EPHA7: variants seen among roughly 807,000 people sequenced by gnomAD.
EPHA7 encodes EPH receptor A7, also known as ephrin type-A receptor 7.
In EPHA7, 25 loss-of-function variants were observed where a neutral mutation model predicts 112.6. That is an observed-to-expected ratio of 0.22 (90% CI 0.16 to 0.31). EPHA7 has a LOEUF of 0.31. Ranked by LOEUF, EPHA7 falls within the 10% of genes least tolerant of loss-of-function variation. The pLI is 1.00. For synonymous variants in EPHA7, 437 were observed against 406.5 expected (o/e 1.07, Z -0.90); for missense variants, 962 against 1,212.6 (o/e 0.79, Z 3.07).
chr6:93,403,756 G>A (rs996046987), intron 3 of EPHA7, among the ~76,000 whole-genome samples: 1 of 151,794 alleles, frequency 6.6e-6, no homozygotes, highest in East Asian at 1.9e-4. Context: ...TTCTACAACC[G>A]GGAGACCATA....
At chr6:93,377,042 T>TC (rs397701953) in intron 3 of EPHA7, among the ~76,000 whole-genome samples, 2 of 152,128 alleles carry the variant, frequency 1.3e-5, no homozygotes, top group East Asian at 3.9e-4. Context: ...TTACAAATTT[T>TC]CTTATCTATG....
chr6:93,284,205 G>A (rs574773934), intron 5 of EPHA7, among the ~76,000 whole-genome samples: 28 of 151,872 alleles, frequency 1.8e-4, no homozygotes, highest in African/African-American at 6.5e-4. Context: ...TTTTTTGACT[G>A]TATGTTTTCC....
intron 3 of EPHA7, among the ~76,000 whole-genome samples, chr6:93,383,142 C>A (rs1474199635): frequency 6.6e-6 from 1 of 152,030 alleles, no homozygotes; most frequent in Non-Finnish European, 1.5e-5. Flanking sequence ...ATAATTAACA[C>A]TTACCAAGCA....
intron 5 of EPHA7, among the ~76,000 whole-genome samples, chr6:93,337,562 AACTC>A (rs1774936526): frequency 6.6e-6 from 1 of 152,176 alleles, no homozygotes; most frequent in Non-Finnish European, 1.5e-5. Context: ...CTTTAAAAGA[AACTC>A]ACTCAGATTT....
chr6:93,408,300 G>C (rs552133040), intron 3 of EPHA7, among the ~76,000 whole-genome samples: 1 of 151,922 alleles, frequency 6.6e-6, no homozygotes, highest in Non-Finnish European at 1.5e-5. Flanking sequence ...AAAATTTTTT[G>C]TAACAGTTAC....
chr6:93,352,110 G>A (rs1202069639), intron 5 of EPHA7, among the ~76,000 whole-genome samples: 1 of 152,036 alleles, frequency 6.6e-6, no homozygotes, highest in Non-Finnish European at 1.5e-5. Context: ...TGTACAGCTA[G>A]TATGCAGAAA....
chr6:93,405,888 T>G (rs989872347), intron 3 of EPHA7, among the ~76,000 whole-genome samples: 1 of 145,638 alleles, frequency 6.9e-6, no homozygotes, highest in Non-Finnish European at 1.5e-5. Context: ...TCATTTGTTA[T>G]GAAAATTTCA....
chr6:93,297,838 C>T lies in EPHA7; in HGVS notation c.1325-25416G>A, dbSNP rs540135403. 3.3e-5 allele frequency among the ~76,000 whole-genome samples: 5 copies of T among 152,236 alleles called. No homozygotes were observed. In the East Asian group the frequency reaches 9.7e-4, roughly 29 times the overall value. Reference sequence around the variant, plus strand: ...ATTGCTTTTCAAGCCACTGAAGTTTCTACTTCAGCATATATCTCTCTCCAA... The same window carrying T: ...ATTGCTTTTCAAGCCACTGAAGTTTTTACTTCAGCATATATCTCTCTCCAA... On this transcript the variant is annotated intron_variant, in intron 5 of 16. Coordinates refer to ENST00000369303, the MANE Select transcript of EPHA7 (RefSeq NM_004440.4).
chr6:93,418,573 G>A, intron 1 of EPHA7, among the ~76,000 whole-genome samples: 1 of 152,204 alleles, frequency 6.6e-6, no homozygotes, highest in East Asian at 1.9e-4. Flanking sequence ...GGCCCGACGC[G>A]CAGCGCGCGC....
Position 93,254,747 on chromosome 6 carries a change from C to T in EPHA7, c.2432G>A (p.Arg811Gln), listed in dbSNP as rs147054938. 12 of 1,613,162 alleles carry T rather than the reference C, an allele frequency of 7.4e-6. No individual in the cohort carries two copies. The highest frequency in any genetic ancestry group is 3.3e-5 in the Admixed American group (2 of 59,960). Residue 811 changes from arginine (R) to glutamine (Q), a missense_variant, in exon 14 of 17, where the codon CGG (arginine) becomes CAG (glutamine). Coordinates refer to ENST00000369303, the MANE Select transcript of EPHA7 (RefSeq NM_004440.4). ...RWTAPEAIQYRKFTSASDVWS... is the reference protein window; with the variant it reads ...RWTAPEAIQYQKFTSASDVWS... ...TACATCACTGGCTGATGTGAATTTC[C>T]GGTACTGGATGGCTTCGGGTGCTGT...
At chr6:93,265,229 G>C (rs544253140) in intron 7 of EPHA7, among the ~76,000 whole-genome samples, 2 of 151,602 alleles carry the variant, frequency 1.3e-5, no homozygotes, top group South Asian at 4.2e-4. Flanking sequence ...TATAATTCAG[G>C]AAAAAGATGA....
At chr6:93,308,621 G>A (rs1420850657) in intron 5 of EPHA7, among the ~76,000 whole-genome samples, 7 of 152,176 alleles carry the variant, frequency 4.6e-5, no homozygotes, top group African/African-American at 1.4e-4. Context: ...GTTAAAAGAT[G>A]TTTGAATTAT....
chr6:93,252,281 A>G (rs1453871705), intron 14 of EPHA7, among the ~76,000 whole-genome samples: 3 of 152,000 alleles, frequency 2.0e-5, no homozygotes, highest in East Asian at 1.9e-4. Context: ...AATCTGAGGC[A>G]TTTAAAATTT....
chr6:93,411,395 T>A (rs1336399494), intron 2 of EPHA7, among the ~76,000 whole-genome samples: 1 of 152,176 alleles, frequency 6.6e-6, no homozygotes, highest in Non-Finnish European at 1.5e-5. Flanking sequence ...ATATTTCATT[T>A]TGTTTAATAT....
At chr6:93,417,242 G>GC (rs1364064034) in intron 1 of EPHA7, among the ~76,000 whole-genome samples, 3 of 152,098 alleles carry the variant, frequency 2.0e-5, no homozygotes, top group Non-Finnish European at 4.4e-5. Flanking sequence ...ACCCCCAAAT[G>GC]CCCCAGGAGG....
intron 5 of EPHA7, among the ~76,000 whole-genome samples, chr6:93,351,619 T>A (rs747861428): frequency 6.6e-6 from 1 of 151,996 alleles, no homozygotes; most frequent in Non-Finnish European, 1.5e-5. Flanking sequence ...CTATACTGAG[T>A]TACTACTTTA....
rs926719791 is a variant in EPHA7 at position 93,246,974 on chromosome 6, T to C, written c.2544A>G (p.Ala848=). ...CTGGTAAACGATAACCTTCTTCTAT[T>C]GCTTTTATAACCTAATAGCCAAAAG... is the stretch of plus-strand genomic sequence containing the variant. ...WDMSNQDVIK[A]IEEGYRLPAP... The change falls in exon 15 of 17, where the codon GCA becomes GCG. Residue 848 remains alanine (A), a synonymous_variant. Coordinates refer to ENST00000369303, the MANE Select transcript of EPHA7 (RefSeq NM_004440.4). 6.3e-7 allele frequency: 1 copy of C among 1,589,016 alleles called. No individual in the cohort carries two copies. The highest frequency in any genetic ancestry group is 1.7e-4 in the Middle Eastern group (1 of 5,960).
At chr6:93,344,812 C>T (rs948861516) in intron 5 of EPHA7, among the ~76,000 whole-genome samples, 3 of 151,502 alleles carry the variant, frequency 2.0e-5, no homozygotes, top group Non-Finnish European at 4.4e-5. Flanking sequence ...ACTGGCCTGG[C>T]CACCCCTCTT....
chr6:93,380,527 A>C (rs1443085351), intron 3 of EPHA7, among the ~76,000 whole-genome samples: 3 of 152,140 alleles, frequency 2.0e-5, no homozygotes, highest in Non-Finnish European at 4.4e-5. Flanking sequence ...TCCATCAAAA[A>C]GATGAGAATA....
Sources: gnomAD v4.1 joint callset for allele counts (sites outside exome capture counted in the v4.1 genomes callset) on GRCh38, gnomAD v4.1.1 for gene constraint, MANE v1.5 for transcripts, NCBI Gene and HGNC (gene_info 2026-07-23, HGNC 2026-07-21) for gene names.